MICAL2: variants seen among roughly 807,000 people sequenced by gnomAD.
The protein encoded by MICAL2 is microtubule associated monooxygenase, calponin and LIM domain containing 2.
In MICAL2, 77 loss-of-function variants were observed where a neutral mutation model predicts 127.3. That is an observed-to-expected ratio of 0.60 (90% CI 0.50 to 0.73). MICAL2 has a LOEUF of 0.73. MICAL2 is among the 30% of genes least tolerant of loss of function. MICAL2 has a pLI of 0.00. For missense variants in MICAL2, 1,351 were observed against 1,434.4 expected (o/e 0.94, Z 0.94); for synonymous variants, 570 against 551.1 (o/e 1.03, Z -0.48).
downstream of MICAL2, among the ~76,000 whole-genome samples, chr11:12,296,983 T>A (rs1206660742): frequency 2.0e-5 from 3 of 152,128 alleles, no homozygotes; most frequent in Non-Finnish European, 2.9e-5. Flanking sequence ...TTCAAATCTT[T>A]GGCTATTGCA....
intron 3 of MICAL2, among the ~76,000 whole-genome samples, chr11:12,183,821 T>A (rs1329337691): frequency 6.6e-6 from 1 of 152,130 alleles, no homozygotes; most frequent in Admixed American, 6.5e-5. Flanking sequence ...CACTCTGTTG[T>A]CCAGGCTGTT....
At chr11:12,159,880 ACAGAGCC>A (rs1854581837) in intron 2 of MICAL2, among the ~76,000 whole-genome samples, 2 of 152,322 alleles carry the variant, frequency 1.3e-5, no homozygotes, top group Admixed American at 1.3e-4. Flanking sequence ...GTGGACGCTC[ACAGAGCC>A]CAGAGAGGAT....
At chr11:12,262,378 C>T in intron 26 of MICAL2, 102 bp from the exon 27 acceptor site, 5 of 1,581,806 alleles carry the variant, frequency 3.2e-6, no homozygotes, top group Non-Finnish European at 4.3e-6. Flanking sequence ...TTATTTTCAA[C>T]TCCGGTGCCT....
intron 3 of MICAL2, among the ~76,000 whole-genome samples, chr11:12,165,524 G>A (rs73414239): frequency 0.018 from 2,706 of 152,332 alleles, 60 homozygotes; most frequent in African/African-American, 0.045. Flanking sequence ...CAGGCATAAA[G>A]CCAAGCTCCT....
At chr11:12,203,945 T>A (rs951964060) in intron 3 of MICAL2, among the ~76,000 whole-genome samples, 1 of 152,224 alleles carries the variant, frequency 6.6e-6, no homozygotes, top group African/African-American at 2.4e-5. Context: ...GGTCAAATGC[T>A]GGAGCTGGGA....
In MICAL2 at chr11:12,223,441, G is replaced by A. The variant is rs777427210; in HGVS notation, c.1480G>A (p.Glu494Lys). ...GCATTTGTATATCACTAAGGAGCTG[G>A]AGCACTACCCTCTCGAGAGACTGGG... ...VKHLYITKEL[E>K]HYPLERLGSV... Residue 494 changes from glutamate (E) to lysine (K), a missense_variant, in exon 12 of 28, where the codon GAG (glutamate) becomes AAG (lysine). Physicochemically the swap from Glu to Lys is moderately conservative, Grantham distance 56. Around this residue, in one of 2 missense-constraint regions of MICAL2, gnomAD observed 599 missense variants for 714.9 expected, o/e 0.84. Transcript: ENST00000683283. The A allele has an allele frequency of 9.9e-6, 16 of 1,613,958 alleles. No individual in the cohort carries two copies. Among genetic ancestry groups the A allele is most frequent in the Non-Finnish European group, 1.3e-5 (15 of 1,179,992 alleles).
chr11:12,144,620 C>T (rs79367259), intron 2 of MICAL2, among the ~76,000 whole-genome samples: 2,596 of 152,220 alleles, frequency 0.017, 88 homozygotes, highest in African/African-American at 0.058. Flanking sequence ...TAAATTGCAA[C>T]GGTTCTGCAG....
intron 15 of MICAL2, among the ~76,000 whole-genome samples, chr11:12,231,939 A>C (rs759832483): frequency 1.3e-5 from 2 of 152,222 alleles, no homozygotes; most frequent in Non-Finnish European, 2.9e-5. Flanking sequence ...GAAGTCAAGC[A>C]GACAAACACA....
upstream of MICAL2, among the ~76,000 whole-genome samples, chr11:12,275,407 G>A (rs1434562489): frequency 6.6e-6 from 1 of 152,166 alleles, no homozygotes; most frequent in Non-Finnish European, 1.5e-5. Flanking sequence ...CATGAGTGTA[G>A]ACAGAGAAGA....
chr11:12,256,121 G>A (rs1237899352), intron 23 of MICAL2: 1 of 185,952 alleles, frequency 5.4e-6, no homozygotes, highest in African/African-American at 2.3e-5. Context: ...AGGTCATGGG[G>A]AAAATAGCCC....
At chr11:12,195,571 C>CA (rs1213356691) in intron 3 of MICAL2, among the ~76,000 whole-genome samples, 1 of 85,608 alleles carries the variant, frequency 1.2e-5, no homozygotes, top group South Asian at 3.4e-4. Flanking sequence ...AGATTAAAAA[C>CA]AAAAAAATTA....
chr11:12,168,302 TAC>T (rs1368269705), intron 3 of MICAL2, among the ~76,000 whole-genome samples: 15 of 146,986 alleles, frequency 1.0e-4, no homozygotes, highest in Non-Finnish European at 1.9e-4. Context: ...CCACACACCA[TAC>T]ACACATACAT....
chr11:12,325,094 G>C (rs1447455387), intron 31 of MICAL2, among the ~76,000 whole-genome samples: 1 of 151,964 alleles, frequency 6.6e-6, no homozygotes, highest in East Asian at 1.9e-4. Flanking sequence ...TTCATCCTTA[G>C]TTGTTGTTTT....
chr11:12,146,902 C>A (rs1852974852), intron 2 of MICAL2, among the ~76,000 whole-genome samples: 1 of 152,130 alleles, frequency 6.6e-6, no homozygotes, highest in African/African-American at 2.4e-5. Context: ...GAGTTCATGT[C>A]CTTTGTAGGG....
intron 3 of MICAL2, among the ~76,000 whole-genome samples, chr11:12,170,560 T>G (rs1271056923): frequency 1.3e-5 from 2 of 152,264 alleles, no homozygotes; most frequent in African/African-American, 4.8e-5. Context: ...CTTGAAAATT[T>G]CATCAAATAA....
intron 3 of MICAL2, among the ~76,000 whole-genome samples, chr11:12,196,503 C>T (rs1220513765): frequency 1.3e-5 from 2 of 152,014 alleles, no homozygotes; most frequent in Non-Finnish European, 2.9e-5. Flanking sequence ...AGGCTGAGCC[C>T]CAGGCACTTC....
chr11:12,275,184 T>C (rs961375407), upstream of MICAL2, among the ~76,000 whole-genome samples: 2 of 152,162 alleles, frequency 1.3e-5, no homozygotes, highest in African/African-American at 4.8e-5. Context: ...GGGAAGGCTA[T>C]GGGCAAGACA....
At chr11:12,256,713 A>C in intron 23 of MICAL2, 72 bp from the exon 24 acceptor site, 1 of 1,395,888 alleles carries the variant, frequency 7.2e-7, no homozygotes, top group East Asian at 2.4e-5. Flanking sequence ...TGGAATTTCT[A>C]AAAGCCTTGG....
chr11:12,134,140 T>C (rs747802337), intron 1 of MICAL2, among the ~76,000 whole-genome samples: 3 of 152,184 alleles, frequency 2.0e-5, no homozygotes, highest in Non-Finnish European at 4.4e-5. Flanking sequence ...GTTCCCAGTG[T>C]TTCATTGAAG....
Sources: gnomAD v4.1 joint callset for allele counts (sites outside exome capture counted in the v4.1 genomes callset) on GRCh38, gnomAD v4.1.1 for gene constraint, gnomAD v4.1.1 regional missense constraint, MANE v1.5 for transcripts, NCBI Gene and HGNC (gene_info 2026-07-23, HGNC 2026-07-21) for gene names.